Variants in CNTNAP2 observed in about 807,000 individuals in gnomAD.
CNTNAP2 encodes the protein contactin-associated protein-like 2.
A neutral mutation model predicts 155.2 loss-of-function variants in CNTNAP2; 98 were observed. The observed-to-expected ratio is 0.63, with a 90% confidence interval of 0.54 to 0.75. The LOEUF is 0.75. Ranked by LOEUF, CNTNAP2 falls within the 30% of genes least tolerant of loss-of-function variation. CNTNAP2 has a pLI of 0.00. For synonymous variants in CNTNAP2, 651 were observed against 631.2 expected (o/e 1.03, Z -0.47); for missense variants, 1,727 against 1,688.1 (o/e 1.02, Z -0.40).
At chr7:147,751,135 C>CT (rs1402457885) in intron 13 of CNTNAP2, among the ~76,000 whole-genome samples, 1 of 151,574 alleles carries the variant, frequency 6.6e-6, no homozygotes. Flanking sequence ...CCACAATTAG[C>CT]TGTGTGACCT....
intron 1 of CNTNAP2, among the ~76,000 whole-genome samples, chr7:146,287,875 C>T (rs1438454229): frequency 6.6e-6 from 1 of 152,144 alleles, no homozygotes; most frequent in Admixed American, 6.5e-5. Context: ...TGGAGAAAGA[C>T]ATCTCTAAAT....
chr7:146,467,053 G>A (rs1233921336), intron 1 of CNTNAP2, among the ~76,000 whole-genome samples: 2 of 151,976 alleles, frequency 1.3e-5, no homozygotes, highest in African/African-American at 4.8e-5. Context: ...GGGATTAATG[G>A]CTATTTAATA....
At chr7:146,971,689 A>G (rs1440247344) in intron 3 of CNTNAP2, among the ~76,000 whole-genome samples, 4 of 152,082 alleles carry the variant, frequency 2.6e-5, no homozygotes, top group Admixed American at 6.6e-5. Context: ...ATATGGGAGA[A>G]GTGGAGAGGG....
intron 1 of CNTNAP2, among the ~76,000 whole-genome samples, chr7:146,246,588 G>A (rs975229382): frequency 5.3e-5 from 8 of 151,300 alleles, no homozygotes; most frequent in East Asian, 3.9e-4. Context: ...AGAGTTACCC[G>A]AAGCTCGGCG....
At chr7:148,361,009 A>G (rs1167627708) in intron 21 of CNTNAP2, among the ~76,000 whole-genome samples, 2 of 151,990 alleles carry the variant, frequency 1.3e-5, no homozygotes, top group Non-Finnish European at 2.9e-5. Context: ...GGGTTTCACC[A>G]TGTTGACCAG....
At chr7:147,166,265 A>C (rs1802111286) in intron 8 of CNTNAP2, among the ~76,000 whole-genome samples, 1 of 152,228 alleles carries the variant, frequency 6.6e-6, no homozygotes. Flanking sequence ...ACTGGAGACT[A>C]TTATTCTAAG....
At chr7:146,979,736 A>G (rs1584763227) in intron 3 of CNTNAP2, among the ~76,000 whole-genome samples, 1 of 152,188 alleles carries the variant, frequency 6.6e-6, no homozygotes, top group East Asian at 1.9e-4. Flanking sequence ...AAATCTGTCT[A>G]AATATTATGA....
chr7:146,849,479 A>C (rs555961646), intron 3 of CNTNAP2, among the ~76,000 whole-genome samples: 3 of 152,192 alleles, frequency 2.0e-5, no homozygotes, highest in Non-Finnish European at 4.4e-5. Flanking sequence ...TATTGAATAC[A>C]TACACGATAT....
chr7:147,059,883 A>G (rs1033397016), intron 4 of CNTNAP2, among the ~76,000 whole-genome samples: 1 of 152,150 alleles, frequency 6.6e-6, no homozygotes, highest in African/African-American at 2.4e-5. Flanking sequence ...AGCATAACAG[A>G]TTCATAGAAA....
At chr7:147,928,691 A>G (rs1800441476) in intron 14 of CNTNAP2, among the ~76,000 whole-genome samples, 1 of 152,288 alleles carries the variant, frequency 6.6e-6, no homozygotes, top group East Asian at 1.9e-4. Flanking sequence ...AGTTACTCTC[A>G]CACTTGGAAC....
At chr7:147,792,210 T>C (rs1304106876) in intron 13 of CNTNAP2, among the ~76,000 whole-genome samples, 2 of 152,216 alleles carry the variant, frequency 1.3e-5, no homozygotes, top group East Asian at 3.8e-4. Flanking sequence ...GAAGATACAA[T>C]TCACCACTGT....
chr7:147,584,942 C>A (rs764938073), intron 12 of CNTNAP2, among the ~76,000 whole-genome samples: 14 of 152,072 alleles, frequency 9.2e-5, no homozygotes, highest in Non-Finnish European at 1.8e-4. Context: ...ACAAGGCATG[C>A]GGCCAGGACA....
At chr7:147,111,773 G>T (rs1800885346) in intron 5 of CNTNAP2, among the ~76,000 whole-genome samples, 1 of 152,146 alleles carries the variant, frequency 6.6e-6, no homozygotes, top group Non-Finnish European at 1.5e-5. Flanking sequence ...CAGTAGCCTT[G>T]CAGTAGAGTT....
chr7:148,360,262 A>G (rs118183985), intron 21 of CNTNAP2, among the ~76,000 whole-genome samples: 58 of 152,320 alleles, frequency 3.8e-4, no homozygotes, highest in Non-Finnish European at 7.6e-4. Flanking sequence ...GGGACATGCA[A>G]ACTCTTTAGG....
intron 13 of CNTNAP2, among the ~76,000 whole-genome samples, chr7:147,655,460 T>G (rs982508380): frequency 2.0e-5 from 3 of 151,750 alleles, no homozygotes; most frequent in Admixed American, 6.7e-5. Context: ...TCAAAATTAC[T>G]CCTTTGTCCA....
chr7:147,569,285 G>A lies in CNTNAP2; in HGVS notation c.1897+7028G>A, dbSNP rs116839887. ...CTCACAAGTTTTACAAGTACAGTGT[G>A]GGCAGGAGGAAATGGGTCACTGAGG... On this transcript the variant is annotated intron_variant, in intron 12 of 23. Transcript: ENST00000361727. Among the ~76,000 whole-genome samples the A allele has an allele frequency of 2.0e-3, 309 of 152,266 alleles. 1 individual carries two copies. Among genetic ancestry groups the A allele is most frequent in the African/African-American group, 7.1e-3 (293 of 41,534 alleles).
chr7:146,712,115 C>CT (rs1278904912), intron 1 of CNTNAP2, among the ~76,000 whole-genome samples: 3 of 114,992 alleles, frequency 2.6e-5, no homozygotes, highest in East Asian at 5.3e-4. Flanking sequence ...CTTATGTATA[C>CT]ATATATGTAT....
intron 1 of CNTNAP2, among the ~76,000 whole-genome samples, chr7:146,368,119 A>G (rs1307953025): frequency 6.6e-6 from 1 of 152,110 alleles, no homozygotes; most frequent in Non-Finnish European, 1.5e-5. Context: ...CCTCCTCAGC[A>G]TACCTGATCC....
At chr7:147,701,027 A>G (rs1217208630) in intron 13 of CNTNAP2, among the ~76,000 whole-genome samples, 1 of 152,162 alleles carries the variant, frequency 6.6e-6, no homozygotes, top group African/African-American at 2.4e-5. Flanking sequence ...ACGGATGCTC[A>G]TTTAATTTTT....
Sources: allele counts gnomAD v4.1 joint callset (sites outside exome capture counted in the v4.1 genomes callset), GRCh38; gene constraint gnomAD v4.1.1; transcripts MANE v1.5; gene names NCBI Gene and HGNC (gene_info 2026-07-23, HGNC 2026-07-21).